The following CCDC14 variants were observed in gnomAD, a reference collection of about 807,000 sequenced individuals.
CCDC14 encodes the protein coiled-coil domain-containing protein 14.
Under a neutral mutation model 81.4 loss-of-function variants are expected in CCDC14, and 71 were observed. The observed-to-expected ratio is 0.87, with a 90% CI of 0.72 to 1.06. The LOEUF is 1.06. Ranked by LOEUF, CCDC14 falls within the 50% of genes least tolerant of loss-of-function variation. CCDC14 has a pLI of 0.00. For missense variants in CCDC14, 1,046 were observed against 1,047.3 expected, an observed-to-expected ratio of 1.00 and a Z score of 0.02; for synonymous variants, 332 against 364.8, an observed-to-expected ratio of 0.91 and a Z score of 1.03.
At chr3:123,945,952 T>C (rs947805292) in intron 8 of CCDC14, among the ~76,000 whole-genome samples, 3 of 152,118 alleles carry the variant, frequency 2.0e-5, no homozygotes, top group African/African-American at 7.2e-5. Context: ...TATAAAACAC[T>C]TAGCACTGTG....
intron 9 of CCDC14, among the ~76,000 whole-genome samples, chr3:123,940,258 GTTTC>G (rs1326758221): frequency 6.6e-6 from 1 of 151,660 alleles, no homozygotes; most frequent in African/African-American, 2.4e-5. Flanking sequence ...TTTTACATTT[GTTTC>G]TTTCATTTTT....
At chr3:123,904,372 G>A (rs111751053) in intron 5 of CCDC14, among the ~76,000 whole-genome samples, 151 of 152,250 alleles carry the variant, frequency 9.9e-4, no homozygotes, top group African/African-American at 3.4e-3. Context: ...TAGGTTACAG[G>A]TGTGTGGCTA....
rs1434690037 is a variant in CCDC14, at chr3:123,955,890, T to G, written c.305A>C (p.Lys102Thr). ...LESKRYGSKK[K>T]RHEKHTIPLV... ...AGGAATAGTATGTTTTTCATGTCTT[T>G]TCTTTTTTGATCCGTATCTTTTGCT... is the stretch of plus-strand genomic sequence containing the variant. Residue 102 changes from lysine to threonine, a missense_variant, in exon 5 of 13, where the codon AAA becomes ACA. Physicochemically the swap from Lys to Thr is moderately conservative, Grantham distance 78. Transcript: ENST00000409697. The G allele has an allele frequency of 1.3e-6, 2 of 1,539,314 alleles. No individual in the cohort carries two copies. The highest frequency in any genetic ancestry group is 1.8e-6 in the Non-Finnish European group (2 of 1,140,102).
chr3:123,904,658 A>T (rs1396256814), intron 5 of CCDC14, among the ~76,000 whole-genome samples: 2 of 152,054 alleles, frequency 1.3e-5, no homozygotes, highest in Admixed American at 6.5e-5. Flanking sequence ...CAACTGTAAC[A>T]AAAGCTATAA....
intron 5 of CCDC14, among the ~76,000 whole-genome samples, chr3:123,906,135 C>G (rs919899767): frequency 2.0e-5 from 3 of 151,988 alleles, no homozygotes; most frequent in African/African-American, 7.2e-5. Context: ...CGAGACCATC[C>G]TGGCTAACAC....
intron 12 of CCDC14, among the ~76,000 whole-genome samples, chr3:123,929,472 T>G (rs1181954702): frequency 2.0e-5 from 3 of 151,824 alleles, no homozygotes; most frequent in Admixed American, 2.0e-4. Flanking sequence ...ACAGCTAACT[T>G]TGGTATTTTT....
intron 5 of CCDC14, among the ~76,000 whole-genome samples, chr3:123,901,566 T>A (rs2034179953): frequency 1.3e-5 from 2 of 151,978 alleles, no homozygotes; most frequent in East Asian, 1.9e-4. Flanking sequence ...GTAAAAAAAA[T>A]TTTAAGTTGA....
intron 12 of CCDC14, among the ~76,000 whole-genome samples, chr3:123,925,627 G>T (rs1426040083): frequency 6.6e-6 from 1 of 152,054 alleles, no homozygotes; most frequent in Admixed American, 6.6e-5. Context: ...GTAGAGACAG[G>T]GTTTTACCAT....
At chr3:123,931,022 AG>A in intron 12 of CCDC14, 79 bp downstream of exon 12, 1 of 1,195,794 alleles carries the variant, frequency 8.4e-7, no homozygotes, top group Non-Finnish European at 1.1e-6. Flanking sequence ...GGGAGAAAAC[AG>A]GTCTAACATT....
chr3:123,939,289 C>T (rs2036219433), intron 9 of CCDC14, among the ~76,000 whole-genome samples: 1 of 151,770 alleles, frequency 6.6e-6, no homozygotes, highest in Admixed American at 6.6e-5. Flanking sequence ...AAATTTTTCT[C>T]TTCATACATA....
intron 7 of CCDC14, among the ~76,000 whole-genome samples, chr3:123,948,239 C>CTT (rs5852375): frequency 2.9e-5 from 4 of 138,448 alleles, no homozygotes; most frequent in African/African-American, 8.0e-5. Context: ...TCTTTCTTTT[C>CTT]TTTTTTTTTT....
downstream of CCDC14, among the ~76,000 whole-genome samples, chr3:123,893,573 T>A (rs933659426): frequency 3.9e-5 from 6 of 152,182 alleles, no homozygotes; most frequent in African/African-American, 1.4e-4. Flanking sequence ...TCAATTCTTT[T>A]AAAAATAAAA....
chr3:123,932,483 A>C (rs1163865896), intron 10 of CCDC14, among the ~76,000 whole-genome samples: 2 of 152,160 alleles, frequency 1.3e-5, no homozygotes, highest in Non-Finnish European at 2.9e-5. Context: ...TAAGAAGATT[A>C]AGCCTTCATC....
In CCDC14 at chr3:123,956,340, T is replaced by G; in HGVS notation, c.159+15A>C. On this transcript the variant is annotated intron_variant, in intron 3 of 12. Transcript: ENST00000409697. ...ACTAATTAAAATAGTGTGTATTGTA[T>G]CTATTCAATCTTACCTGACTTTCTG... 1 of 1,509,208 alleles carries G rather than the reference T, an allele frequency of 6.6e-7. No homozygotes were observed. The highest frequency in any genetic ancestry group is 9.0e-7 in the Non-Finnish European group (1 of 1,115,588). The allele number at this position is 1,509,208 out of a possible 1,614,324, so 93.5% of individuals were successfully genotyped here. A position where few individuals can be genotyped will look rare whatever the true frequency, so the allele number is the denominator to read the frequency against.
chr3:123,885,594 G>A, the CCDC14 span, among the ~76,000 whole-genome samples: 1 of 151,950 alleles, frequency 6.6e-6, no homozygotes, highest in African/African-American at 2.4e-5. Context: ...CATTCATGAG[G>A]CAATTCAGCA....
rs2035944663 is a variant in CCDC14 at position 123,934,402 on chromosome 3, T to TCA, written c.1344-648_1344-647insTG. Among the ~76,000 whole-genome samples, 3 of 150,134 alleles carry TCA rather than the reference T, an allele frequency of 2.0e-5. No individual in the cohort carries two copies. The South Asian group carries it at 6.3e-4, about 31-fold the overall frequency. On this transcript the variant is annotated intron_variant, in intron 9 of 12. Transcript: ENST00000409697. ...CTGCTCATGCTGTTTCTCATCGTCTTTCTGTGTATCTTCATCACTGTAGTT... is the reference window on the plus strand; with the variant it reads ...CTGCTCATGCTGTTTCTCATCGTCTTCATCTGTGTATCTTCATCACTGTAGTT...
intron 7 of CCDC14, among the ~76,000 whole-genome samples, chr3:123,947,634 T>C (rs2036727758): frequency 6.6e-6 from 1 of 152,148 alleles, no homozygotes; most frequent in Non-Finnish European, 1.5e-5. Context: ...AGTGGACTAA[T>C]TTTTGATGCT....
At chr3:123,940,444 T>C (rs1045489545) in intron 9 of CCDC14, among the ~76,000 whole-genome samples, 6 of 152,038 alleles carry the variant, frequency 3.9e-5, no homozygotes, top group African/African-American at 7.2e-5. Flanking sequence ...CTGAAGTTCT[T>C]TGAGTAATTT....
chr3:123,923,515 C>T (rs986332144), intron 12 of CCDC14, among the ~76,000 whole-genome samples: 2 of 151,908 alleles, frequency 1.3e-5, no homozygotes, highest in African/African-American at 2.4e-5. Context: ...ATTTTATACA[C>T]AGAAAATCCT....
Sources: allele counts gnomAD v4.1 joint callset (sites outside exome capture counted in the v4.1 genomes callset), GRCh38; gene constraint gnomAD v4.1.1; transcripts MANE v1.5; gene names NCBI Gene and HGNC (gene_info 2026-07-23, HGNC 2026-07-21).